The following MAP3K14 variants were observed in gnomAD, a reference collection of about 807,000 sequenced individuals.
The protein encoded by MAP3K14 is NF-kappa-beta-inducing kinase.
A neutral mutation model predicts 99.2 loss-of-function variants in MAP3K14; 16 were observed. The ratio of observed to expected loss-of-function variants is 0.16; its 90% CI spans 0.11 to 0.24. The LOEUF (loss-of-function observed/expected upper bound fraction) is 0.24. Ranked by LOEUF, MAP3K14 falls within the 10% of genes least tolerant of loss-of-function variation. MAP3K14 has a pLI of 1.00. For synonymous variants in MAP3K14, 462 were observed against 492.4 expected (o/e 0.94, Z 0.82); for missense variants, 784 against 1,208.7 (o/e 0.65, Z 5.21).
rs912399925 is a variant in MAP3K14 at position 45,275,055 on chromosome 17, C to T, written c.1291-462G>A. On this transcript the variant is annotated intron_variant, in intron 6 of 15. Coordinates refer to ENST00000344686, the MANE Select transcript of MAP3K14 (RefSeq NM_003954.5). The stretch of plus-strand genomic sequence containing the variant: ...TCGGGAGGCTGAGGCAGGAGAATGG[C>T]GTGAACCCAGGAGGCGGAGCTTGCA... Among the ~76,000 whole-genome samples the T allele has an allele frequency of 5.3e-5, 8 of 151,810 alleles. No individual in the cohort carries two copies. In the East Asian group the frequency reaches 1.4e-3, roughly 26 times the overall value.
chr17:45,286,859 G>C lies in MAP3K14; in HGVS notation c.724C>G (p.Leu242Val). The C allele has an allele frequency of 6.2e-7, 1 of 1,614,034 alleles. No homozygotes were observed. The highest frequency in any genetic ancestry group is 8.5e-7 in the Non-Finnish European group (1 of 1,179,894). The change falls in exon 5 of 16, where the codon CTG becomes GTG. Residue 242 changes from leucine (L) to valine (V), a missense_variant. Transcript: ENST00000344686. The surrounding 1 kb of genome is among the most constrained non-coding windows in gnomAD (Gnocchi z 4.1). ...GGGCCTCCGTCCTGGGGGTGGTGCAGTTTCCACACGTGGTTCAGACATTGC... is the reference window on the plus strand; with the variant it reads ...GGGCCTCCGTCCTGGGGGTGGTGCACTTTCCACACGTGGTTCAGACATTGC... ...PLQCLNHVWK[L>V]HHPQDGGPLP...
chr17:45,266,703 C>T (rs769727971), intron 13 of MAP3K14, 22 bp from the exon 14 acceptor site: 15 of 1,596,724 alleles, frequency 9.4e-6, no homozygotes, highest in South Asian at 7.7e-5. Context: ...GGATTGGGTA[C>T]GGGCTCAGGG....
At chr17:45,293,293 A>T (rs2044325052) in intron 1 of MAP3K14, among the ~76,000 whole-genome samples, 1 of 152,176 alleles carries the variant, frequency 6.6e-6, no homozygotes, top group African/African-American at 2.4e-5. Flanking sequence ...GGGCTCTGAT[A>T]GCCTGTCTCC....
intron 13 of MAP3K14, 48 bp from the exon 14 acceptor site, chr17:45,266,729 T>G (rs376945193): frequency 1.1e-5 from 18 of 1,567,140 alleles, no homozygotes; most frequent in Non-Finnish European, 1.6e-5. Context: ...GGCTCCAGGA[T>G]CCATCTCCGG....
At chr17:45,270,371 G>A (rs765772350) in intron 11 of MAP3K14, 42 bp downstream of exon 11, 68 of 1,591,636 alleles carry the variant, frequency 4.3e-5, no homozygotes, top group Non-Finnish European at 5.5e-5. Flanking sequence ...GTCCACCTCT[G>A]TCTTCTGCCC....
chr17:45,297,091 A>T (rs2044351155), intron 1 of MAP3K14, among the ~76,000 whole-genome samples: 1 of 152,266 alleles, frequency 6.6e-6, no homozygotes, highest in African/African-American at 2.4e-5. Flanking sequence ...TTAGAGAGGT[A>T]CATTACCTAC....
Position 45,289,218 on chromosome 17 carries a change from C to T in MAP3K14, c.326+18G>A. ...TCCAGTCCCCACCTTCCCACTCAGG[C>T]TTGTCTCCCCTGCTTACCTGTACTG... On this transcript the variant is annotated intron_variant, in intron 3 of 15. Coordinates refer to ENST00000344686, the MANE Select transcript of MAP3K14 (RefSeq NM_003954.5). 1 of 1,612,728 alleles carries T rather than the reference C, an allele frequency of 6.2e-7. No individual in the cohort carries two copies. Among genetic ancestry groups the T allele is most frequent in the Non-Finnish European group, 8.5e-7 (1 of 1,178,818 alleles).
In MAP3K14 at chr17:45,267,578, T is replaced by C; in HGVS notation, c.2154A>G (p.Pro718=). ...GRAPKLQPPL[P]PEPPEPNKSP... Reference sequence around the variant, plus strand: ...ACTTGTTTGGCTCTGGGGGCTCTGGTGGGAGAGGAGGCTGGAGCTTAGGGG... The same window carrying C: ...ACTTGTTTGGCTCTGGGGGCTCTGGCGGGAGAGGAGGCTGGAGCTTAGGGG... Residue 718 remains proline (P), a synonymous_variant, in exon 12 of 16, where the codon CCA becomes CCG. Transcript: ENST00000344686. The surrounding 1 kb of genome is among the most constrained non-coding windows in gnomAD (Gnocchi z 5.1). 6.2e-7 allele frequency: 1 copy of C among 1,613,324 alleles called. No individual in the cohort carries two copies. The highest frequency in any genetic ancestry group is 8.5e-7 in the Non-Finnish European group (1 of 1,179,624).
rs570524376 is a variant in MAP3K14 at position 45,268,796 on chromosome 17, T to C, written c.1973-1037A>G. On this transcript the variant is annotated intron_variant, in intron 11 of 15. Coordinates refer to ENST00000344686, the MANE Select transcript of MAP3K14 (RefSeq NM_003954.5). Reference sequence around the variant, plus strand: ...AAGCTGTAGTGCGCGTCCTCAGGCGTGTCCCCATATGGATCTGCTGGCATT... The same window carrying C: ...AAGCTGTAGTGCGCGTCCTCAGGCGCGTCCCCATATGGATCTGCTGGCATT... 7.9e-5 allele frequency among the ~76,000 whole-genome samples: 12 copies of C among 152,236 alleles called. No individual in the cohort carries two copies. In the East Asian group the frequency reaches 2.3e-3, roughly 29 times the overall value.
At chr17:45,313,327 G>GAACAAC (rs754915065) in intron 1 of MAP3K14, among the ~76,000 whole-genome samples, 165 of 151,850 alleles carry the variant, frequency 1.1e-3, no homozygotes, top group African/African-American at 3.6e-3. Context: ...CCACCAACAA[G>GAACAAC]AACAACAACA....
Position 45,264,438 on chromosome 17 carries a change from G to A in MAP3K14, c.*198C>T, listed in dbSNP as rs1455843970. On this transcript the variant is annotated 3_prime_UTR_variant, in exon 16 of 16. Coordinates refer to ENST00000344686, the MANE Select transcript of MAP3K14 (RefSeq NM_003954.5). ...ACGTGGCGGAGTGTTTTCTCAGCAG[G>A]GTGGGGCAGGGCTCAGGTGTGAAAT... 2.0e-5 allele frequency: 12 copies of A among 604,894 alleles called. No homozygotes were observed. In the Admixed American group the frequency reaches 3.5e-4, roughly 17 times the overall value. The allele number at this position is 604,894 out of a possible 1,614,324, so 37.5% of individuals were successfully genotyped here.
chr17:45,265,076 T>C lies in MAP3K14; in HGVS notation c.2679+87A>G, dbSNP rs2044064886. 3.1e-5 allele frequency: 36 copies of C among 1,144,214 alleles called. No individual in the cohort carries two copies. In the South Asian group the frequency reaches 3.7e-4, roughly 12 times the overall value. The allele number at this position is 1,144,214 out of a possible 1,614,324, so 70.9% of individuals were successfully genotyped here. The stretch of plus-strand genomic sequence containing the variant: ...AGTATTCCCTAGAGTGCCATTCTAC[T>C]TCTTTGAAAGCTTTCCTCCTGGAGG... On this transcript the variant is annotated intron_variant, in intron 15 of 15. Coordinates refer to ENST00000344686, the MANE Select transcript of MAP3K14 (RefSeq NM_003954.5).
Position 45,265,045 on chromosome 17 carries a change from A to T in MAP3K14, c.2679+118T>A, listed in dbSNP as rs545119379. 1.3e-4 allele frequency: 118 copies of T among 914,954 alleles called. 4 individuals carry two copies. In the South Asian group the frequency reaches 1.7e-3, roughly 13 times the overall value. 56.7% of individuals were successfully genotyped at this position (914,954 alleles called of 1,614,324 possible). Reference sequence around the variant, plus strand: ...AGGTCCTGGGGGACGTTGAAGGCCAATTCCAAGTATTCCCTAGAGTGCCAT... The same window carrying T: ...AGGTCCTGGGGGACGTTGAAGGCCATTTCCAAGTATTCCCTAGAGTGCCAT... On this transcript the variant is annotated intron_variant, in intron 15 of 15. Transcript: ENST00000344686.
At position 45,274,520 on chromosome 17, in the gene MAP3K14, A is replaced by G. The variant is rs1331137447; in HGVS notation, c.1364T>C (p.Leu455Ser). Residue 455 changes from leucine to serine, a missense_variant, in exon 7 of 16, where the codon TTG becomes TCG. Around this residue, in one of 5 missense-constraint regions of MAP3K14, gnomAD observed 200 missense variants for 367.9 expected, o/e 0.54. Coordinates refer to ENST00000344686, the MANE Select transcript of MAP3K14 (RefSeq NM_003954.5). ...AGGCCCTTCTCTCACAGCTCCATAC[A>G]AAGGGACAATTCTGGGTGAGGTCAA... The part of the protein sequence containing the change: ...AGLTSPRIVP[L>S]YGAVREGPWV... 1 of 1,613,882 alleles carries G rather than the reference A, an allele frequency of 6.2e-7. No homozygotes were observed. Among genetic ancestry groups the G allele is most frequent in the Non-Finnish European group, 8.5e-7 (1 of 1,179,888 alleles).
At chr17:45,303,489 AGGTAGAGG>A (rs1314346272) in intron 1 of MAP3K14, among the ~76,000 whole-genome samples, 1 of 152,192 alleles carries the variant, frequency 6.6e-6, no homozygotes, top group Non-Finnish European at 1.5e-5. Flanking sequence ...TGAGCCCAGG[AGGTAGAGG>A]TTGTAATGAG....
chr17:45,269,329 C>T (rs943233755), intron 11 of MAP3K14, among the ~76,000 whole-genome samples: 1 of 152,142 alleles, frequency 6.6e-6, no homozygotes, highest in African/African-American at 2.4e-5. Flanking sequence ...ATTTTGTATT[C>T]TTGGATTCCT....
chr17:45,271,114 T>C lies in MAP3K14; in HGVS notation c.1765A>G (p.Met589Val). ...VWSSCCMMLH[M>V]LNGCHPWTQF... ...GTCCAGGGGTGGCAGCCGTTGAGCA[T>C]GTGCAGCATCATACAGCAGCTGCTC... Residue 589 changes from methionine to valine, a missense_variant, in exon 10 of 16, where the codon ATG becomes GTG. Coordinates refer to ENST00000344686, the MANE Select transcript of MAP3K14 (RefSeq NM_003954.5). 6.2e-7 allele frequency: 1 copy of C among 1,613,252 alleles called. No homozygotes were observed. Among genetic ancestry groups the C allele is most frequent in the Non-Finnish European group, 8.5e-7 (1 of 1,179,740 alleles).
intron 1 of MAP3K14, among the ~76,000 whole-genome samples, chr17:45,301,588 C>A (rs985825713): frequency 5.9e-5 from 9 of 151,928 alleles, no homozygotes; most frequent in African/African-American, 1.9e-4. Context: ...GTTTATAAAT[C>A]ATTTTAACAA....
intron 1 of MAP3K14, among the ~76,000 whole-genome samples, chr17:45,307,826 C>T (rs1008793505): frequency 2.6e-5 from 4 of 152,146 alleles, no homozygotes; most frequent in African/African-American, 9.7e-5. Context: ...AACAAGAAAC[C>T]CAAAGAACTC....
Sources: gnomAD v4.1 joint callset for allele counts (sites outside exome capture counted in the v4.1 genomes callset) on GRCh38, gnomAD v4.1.1 for gene constraint, gnomAD v4.1.1 regional missense constraint, Gnocchi (gnomAD v3.1) non-coding constraint, MANE v1.5 for transcripts, NCBI Gene and HGNC (gene_info 2026-07-23, HGNC 2026-07-21) for gene names.